MYO3B: variants seen among roughly 807,000 people sequenced by gnomAD.
MYO3B encodes myosin IIIB.
Under a neutral mutation model 174.6 loss-of-function variants are expected in MYO3B, and 156 were observed. The ratio of observed to expected loss-of-function variants is 0.89; its 90% CI spans 0.78 to 1.02. The LOEUF (loss-of-function observed/expected upper bound fraction) is 1.02, where lower values mean the gene tolerates loss of function less well. Ranked by LOEUF, MYO3B falls within the 50% of genes least tolerant of loss-of-function variation. The pLI is 0.00. For synonymous variants in MYO3B, 563 were observed against 569.1 expected, an observed-to-expected ratio of 0.99 and a Z score of 0.15; for missense variants, 1,632 against 1,639.4, an observed-to-expected ratio of 1.00 and a Z score of 0.08.
chr2:170,207,945 C>G (rs13417679), intron 3 of MYO3B, among the ~76,000 whole-genome samples: 1 of 152,136 alleles, frequency 6.6e-6, no homozygotes, highest in Admixed American at 6.5e-5. Flanking sequence ...GGCTTTCACC[C>G]TTGTTAAAAG....
At chr2:170,269,516 A>T in intron 7 of MYO3B, among the ~76,000 whole-genome samples, 1 of 152,214 alleles carries the variant, frequency 6.6e-6, no homozygotes, top group East Asian at 1.9e-4. Context: ...CTTTCAATGG[A>T]AGTATTGATA....
At chr2:170,417,275 C>T (rs1179327470) in intron 22 of MYO3B, among the ~76,000 whole-genome samples, 1 of 152,196 alleles carries the variant, frequency 6.6e-6, no homozygotes, top group South Asian at 2.1e-4. Flanking sequence ...CAACATACAT[C>T]TATCTCTATC....
At chr2:170,247,985 C>T (rs2093210642) in intron 7 of MYO3B, among the ~76,000 whole-genome samples, 1 of 152,110 alleles carries the variant, frequency 6.6e-6, no homozygotes, top group African/African-American at 2.4e-5. Context: ...TCTGAACCTT[C>T]AGCTTTTGCT....
At chr2:170,509,509 T>C (rs917241439) in intron 28 of MYO3B, among the ~76,000 whole-genome samples, 49 of 152,218 alleles carry the variant, frequency 3.2e-4, no homozygotes, top group African/African-American at 1.1e-3. Context: ...CTTGTTTATT[T>C]GACAGGGAAA....
At chr2:170,529,427 T>C (rs947419075) in intron 30 of MYO3B, among the ~76,000 whole-genome samples, 19 of 151,934 alleles carry the variant, frequency 1.3e-4, no homozygotes, top group African/African-American at 4.3e-4. Flanking sequence ...CTGTCCTCCT[T>C]CTCTCCCTCC....
intron 28 of MYO3B, among the ~76,000 whole-genome samples, chr2:170,511,082 C>T (rs1349618902): frequency 4.2e-5 from 6 of 141,188 alleles, no homozygotes; most frequent in South Asian, 4.5e-4. Flanking sequence ...TTTTTTGAGA[C>T]GGAGTCTCAC....
intron 8 of MYO3B, among the ~76,000 whole-genome samples, chr2:170,356,621 C>CA (rs1265999503): frequency 5.3e-5 from 8 of 152,116 alleles, no homozygotes; most frequent in Admixed American, 4.6e-4. Context: ...CTCAGCCTCC[C>CA]AAAGTGCTGG....
chr2:170,391,642 T>G (rs775301148), intron 15 of MYO3B, 24 bp downstream of exon 15: 11 of 1,355,418 alleles, frequency 8.1e-6, no homozygotes, highest in East Asian at 2.4e-5. Flanking sequence ...GGGTTGGTTG[T>G]TAATTTTTGA....
intron 9 of MYO3B, among the ~76,000 whole-genome samples, chr2:170,377,798 A>G (rs2094305734): frequency 6.6e-6 from 1 of 152,254 alleles, no homozygotes; most frequent in Non-Finnish European, 1.5e-5. Context: ...CTTCTGAGCC[A>G]TTAAAACTAC....
chr2:170,304,817 T>C (rs972257240), intron 7 of MYO3B, among the ~76,000 whole-genome samples: 1 of 152,082 alleles, frequency 6.6e-6, no homozygotes, highest in Admixed American at 6.5e-5. Flanking sequence ...AGTAATGTAT[T>C]ATGGCTCTTA....
At chr2:170,255,884 A>T (rs2093300560) in intron 7 of MYO3B, among the ~76,000 whole-genome samples, 1 of 152,248 alleles carries the variant, frequency 6.6e-6, no homozygotes, top group Admixed American at 6.5e-5. Context: ...GTTGAAATTC[A>T]ATCCAAGAAA....
intron 23 of MYO3B, among the ~76,000 whole-genome samples, chr2:170,459,674 CA>C (rs993764678): frequency 1.3e-5 from 2 of 152,162 alleles, no homozygotes; most frequent in African/African-American, 4.8e-5. Flanking sequence ...CGCCATGGAG[CA>C]GGGGGTGGTG....
At chr2:170,621,142 G>C (rs998432192) in intron 32 of MYO3B, among the ~76,000 whole-genome samples, 1 of 152,046 alleles carries the variant, frequency 6.6e-6, no homozygotes, top group Non-Finnish European at 1.5e-5. Context: ...ACCCGCCTCG[G>C]CCTCCCAAAG....
intron 7 of MYO3B, among the ~76,000 whole-genome samples, chr2:170,320,605 C>T (rs1031299388): frequency 1.1e-4 from 16 of 151,896 alleles, no homozygotes; most frequent in Admixed American, 3.3e-4. Flanking sequence ...CTTGAGATAT[C>T]GATTGGTATA....
At chr2:170,186,718 T>G (rs890762292) in intron 1 of MYO3B, among the ~76,000 whole-genome samples, 2 of 152,210 alleles carry the variant, frequency 1.3e-5, no homozygotes, top group African/African-American at 4.8e-5. Flanking sequence ...TCTTTAAATG[T>G]TTAGTAAAAT....
At chr2:170,442,216 C>G (rs1056088929) in intron 22 of MYO3B, among the ~76,000 whole-genome samples, 5 of 152,046 alleles carry the variant, frequency 3.3e-5, no homozygotes, top group African/African-American at 7.2e-5. Context: ...TCAACAGTAG[C>G]TCTAATATTT....
chr2:170,365,724 C>G (rs995840889), intron 8 of MYO3B, among the ~76,000 whole-genome samples: 17 of 152,204 alleles, frequency 1.1e-4, no homozygotes, highest in African/African-American at 4.1e-4. Context: ...AGAGTCACAA[C>G]TCTGCTTAGC....
intron 8 of MYO3B, among the ~76,000 whole-genome samples, chr2:170,367,122 AT>A (rs1217578060): frequency 1.3e-5 from 2 of 152,170 alleles, no homozygotes; most frequent in Non-Finnish European, 2.9e-5. Context: ...GTGTTTACTA[AT>A]TTGAAGTGTT....
At chr2:170,437,853 A>G (rs972296145) in intron 22 of MYO3B, among the ~76,000 whole-genome samples, 2 of 152,080 alleles carry the variant, frequency 1.3e-5, no homozygotes, top group Non-Finnish European at 2.9e-5. Context: ...TTCTCGGGAA[A>G]ACTTCCTTCA....
Sources: gnomAD v4.1 joint callset for allele counts (sites outside exome capture counted in the v4.1 genomes callset) on GRCh38, gnomAD v4.1.1 for gene constraint, MANE v1.5 for transcripts, NCBI Gene and HGNC (gene_info 2026-07-23, HGNC 2026-07-21) for gene names.